The following STYX variants were observed in gnomAD, a reference collection of about 807,000 sequenced individuals.
STYX encodes serine/threonine/tyrosine-interacting protein.
In STYX, 20 loss-of-function variants were observed where a neutral mutation model predicts 42.7. That is an observed-to-expected ratio of 0.47 (90% CI 0.33 to 0.68). STYX has a LOEUF of 0.68. STYX is among the 30% of genes least tolerant of loss of function. STYX has a pLI of 0.02. For synonymous variants in STYX, 78 were observed against 81.9 expected, an observed-to-expected ratio of 0.95 and a Z score of 0.26; for missense variants, 226 against 268.5, an observed-to-expected ratio of 0.84 and a Z score of 1.11.
chr14:52,744,903 T>G lies in STYX; in HGVS notation c.90+19T>G, dbSNP rs1881335255. On this transcript the variant is annotated intron_variant, in intron 2 of 10. Coordinates refer to ENST00000354586, the MANE Select transcript of STYX (RefSeq NM_145251.4). ...GATGCAGGTATGGCAACCTTTTCTT[T>G]GTTCAAACCAACCCATGTTATTATC... 2 of 1,612,192 alleles carry G rather than the reference T, an allele frequency of 1.2e-6. No homozygotes were observed. Among genetic ancestry groups the G allele is most frequent in the African/African-American group, 2.7e-5 (2 of 74,828 alleles).
intron 9 of STYX, among the ~76,000 whole-genome samples, chr14:52,761,115 G>A (rs904173253): frequency 6.6e-6 from 1 of 152,074 alleles, no homozygotes; most frequent in Non-Finnish European, 1.5e-5. Flanking sequence ...GAACACCTGA[G>A]GTCAGGAGTT....
chr14:52,756,787 A>G (rs1047186300), intron 5 of STYX, among the ~76,000 whole-genome samples, 176 bp downstream of exon 5: 1 of 143,304 alleles, frequency 7.0e-6, no homozygotes, highest in African/African-American at 2.6e-5. Flanking sequence ...TCCCGGGTTC[A>G]AGTGATTTTT....
rs1479420856 is a variant in STYX at position 52,768,904 on chromosome 14, G to A, written c.569G>A (p.Arg190Lys). The A allele has an allele frequency of 6.3e-6, 10 of 1,598,146 alleles. No individual in the cohort carries two copies. Among genetic ancestry groups the A allele is most frequent in the African/African-American group, 1.3e-5 (1 of 74,116 alleles). ...ATGATGTCACCACTCCAGATAGAAA[G>A]GTCATTATCTGTTCATTCTGGTACC... ...IQMMSPLQIERSLSVHSGTTG... is the reference protein window; with the variant it reads ...IQMMSPLQIEKSLSVHSGTTG... Residue 190 changes from arginine (R) to lysine (K), a missense_variant, in exon 10 of 11, where the codon AGG (arginine) becomes AAG (lysine). Transcript: ENST00000354586.
intron 1 of STYX, among the ~76,000 whole-genome samples, chr14:52,743,045 C>A (rs1421003909): frequency 4.6e-5 from 7 of 151,958 alleles, no homozygotes; most frequent in African/African-American, 1.7e-4. Context: ...ATCCACCCGC[C>A]TCAGCCTCCC....
rs1882518772 is a variant in STYX at position 52,771,704 on chromosome 14, T to C, written c.*598T>C. The C allele has an allele frequency of 6.6e-6, 1 of 152,532 alleles. No homozygotes were observed. The allele number at this position is 152,532 out of a possible 1,614,324, so 9.4% of individuals were successfully genotyped here. On this transcript the variant is annotated 3_prime_UTR_variant, in exon 11 of 11. Coordinates refer to ENST00000354586, the MANE Select transcript of STYX (RefSeq NM_145251.4). Reference sequence around the variant, plus strand: ...TTTTTTATACTTCTTCCATTATTAATCTTTAAATCATGATCCTAATTAGCT... The same window carrying C: ...TTTTTTATACTTCTTCCATTATTAACCTTTAAATCATGATCCTAATTAGCT...
intron 1 of STYX, among the ~76,000 whole-genome samples, chr14:52,732,134 T>G (rs1033207098): frequency 6.7e-6 from 1 of 150,178 alleles, no homozygotes; most frequent in African/African-American, 2.5e-5. Context: ...TTCACTCTTG[T>G]TGCCCCAGGC....
At chr14:52,762,804 A>G (rs975306508) in intron 9 of STYX, among the ~76,000 whole-genome samples, 2 of 151,142 alleles carry the variant, frequency 1.3e-5, no homozygotes, top group African/African-American at 4.9e-5. Flanking sequence ...TATTTTGACA[A>G]TAGACCAGTT....
intron 5 of STYX, 45 bp downstream of exon 5, chr14:52,756,656 A>G: frequency 3.4e-6 from 1 of 296,638 alleles, no homozygotes; most frequent in South Asian, 3.7e-5. Flanking sequence ...TTTATTTATG[A>G]TTTGACTTCT....
chr14:52,757,586 G>A (rs1881923716), intron 6 of STYX, among the ~76,000 whole-genome samples, 157 bp from the exon 7 acceptor site: 1 of 152,080 alleles, frequency 6.6e-6, no homozygotes, highest in Non-Finnish European at 1.5e-5. Context: ...ATAAGAGTCT[G>A]CTATATTCTC....
At chr14:52,749,232 G>A (rs578190167) in intron 3 of STYX, among the ~76,000 whole-genome samples, 9 of 152,150 alleles carry the variant, frequency 5.9e-5, no homozygotes, top group Non-Finnish European at 1.0e-4. Context: ...TGTCATGGAG[G>A]TTTCTACCCT....
chr14:52,730,509 C>G lies in STYX; in HGVS notation c.35C>G (p.Pro12Arg), dbSNP rs765983936. Residue 12 changes from proline (P) to arginine (R), a missense_variant, in exon 1 of 11, where the codon CCA becomes CGA. Coordinates refer to ENST00000354586, the MANE Select transcript of STYX (RefSeq NM_145251.4). The stretch of plus-strand genomic sequence containing the variant: ...GTGAAGCTGGAGTTCCCTTCCCTTC[C>G]ACAGTGCAAGGAAGACGCCGAGGTG... ...EDVKLEFPSL[P>R]QCKEDAEEWT... 10 of 1,613,722 alleles carry G rather than the reference C, an allele frequency of 6.2e-6. No individual in the cohort carries two copies. The Admixed American group carries it at 1.7e-4, about 27-fold the overall frequency.
chr14:52,731,433 C>CTTTTTTTTTTTTTTTTTTTTTTTT (rs34855760), intron 1 of STYX, among the ~76,000 whole-genome samples: 2 of 105,628 alleles, frequency 1.9e-5, no homozygotes, highest in East Asian at 2.8e-4. Context: ...TGGAGGTTCA[C>CTTTTTTTTTTTTTTTTTTTTTTTT]TTTTTTTTTT....
intron 3 of STYX, among the ~76,000 whole-genome samples, chr14:52,750,235 G>A (rs1247130706): frequency 6.6e-6 from 1 of 152,188 alleles, no homozygotes; most frequent in Non-Finnish European, 1.5e-5. Context: ...GAGGCAAGGA[G>A]TTGTCTAGAG....
Position 52,764,498 on chromosome 14 carries a change from C to T in STYX, c.505-4342C>T, listed in dbSNP as rs11850905. Reference sequence around the variant, plus strand: ...ATTGTTTCCTAATAGGTGAATTTAACCCACTTTCATTTACTGAAAATGACA... The same window carrying T: ...ATTGTTTCCTAATAGGTGAATTTAATCCACTTTCATTTACTGAAAATGACA... On this transcript the variant is annotated intron_variant, in intron 9 of 10. Transcript: ENST00000354586. Among the ~76,000 whole-genome samples, 490 of 152,130 alleles carry T rather than the reference C, an allele frequency of 3.2e-3. 4 individuals are homozygous for T. Among genetic ancestry groups the T allele is most frequent in the African/African-American group, 0.011 (477 of 41,498 alleles).
At chr14:52,730,621 C>T (rs1880659256) in intron 1 of STYX, 90 bp downstream of exon 1, 4 of 1,445,684 alleles carry the variant, frequency 2.8e-6, no homozygotes, top group Non-Finnish European at 2.8e-6. Flanking sequence ...TTAGCCGCCA[C>T]CTGTACGGGC....
intron 8 of STYX, 137 bp from the exon 9 acceptor site, chr14:52,759,545 A>T: frequency 1.5e-6 from 1 of 663,658 alleles, no homozygotes; most frequent in East Asian, 2.8e-5. Flanking sequence ...ATAGCTGGTG[A>T]GAAAAGGAAT....
intron 1 of STYX, among the ~76,000 whole-genome samples, chr14:52,732,185 C>T (rs1880747813): frequency 6.7e-6 from 1 of 150,092 alleles, no homozygotes; most frequent in Admixed American, 6.7e-5. Context: ...GCAGCCTCTG[C>T]CTCGGGTCCC....
chr14:52,732,570 G>T (rs1442892637), intron 1 of STYX, among the ~76,000 whole-genome samples: 3 of 151,134 alleles, frequency 2.0e-5, no homozygotes, highest in Non-Finnish European at 4.4e-5. Context: ...ACCGCGCCCG[G>T]CCAATATACT....
intron 7 of STYX, 32 bp from the exon 8 acceptor site, chr14:52,757,842 G>A (rs1269604718): frequency 6.2e-7 from 1 of 1,612,492 alleles, no homozygotes; most frequent in Non-Finnish European, 8.5e-7. Context: ...TGTATTTTCT[G>A]GTTGTTTTTA....
Sources: gnomAD v4.1 joint callset for allele counts (sites outside exome capture counted in the v4.1 genomes callset) on GRCh38, gnomAD v4.1.1 for gene constraint, MANE v1.5 for transcripts, NCBI Gene and HGNC (gene_info 2026-07-23, HGNC 2026-07-21) for gene names.